Variants in AAGAB observed in about 807,000 individuals in gnomAD.
AAGAB encodes alpha and gamma adaptin binding protein.
AAGAB carries 38 observed loss-of-function variants against 44.1 expected under a neutral mutation model. The observed-to-expected ratio is 0.86, with a 90% CI of 0.67 to 1.13. AAGAB has a LOEUF of 1.13. Ranked by LOEUF, AAGAB falls within the 50% of genes most tolerant of loss-of-function variation. The pLI is 0.00. For missense variants in AAGAB, 450 were observed against 373.8 expected (o/e 1.20, Z -1.68); for synonymous variants, 131 against 131.8 (o/e 0.99, Z 0.04).
chr15:67,209,972 C>G (rs181377715), intron 5 of AAGAB, among the ~76,000 whole-genome samples: 34 of 152,250 alleles, frequency 2.2e-4, no homozygotes, highest in Non-Finnish European at 4.1e-4. Flanking sequence ...GCCCTGAATA[C>G]ATTTTTTTTA....
At position 67,218,059 on chromosome 15, in the gene AAGAB, G is replaced by A. The variant is rs114428679; in HGVS notation, c.536-8515C>T. On this transcript the variant is annotated intron_variant, in intron 5 of 9. Transcript: ENST00000261880. ...CTAATCCTCCTCCATCTGCATTACT[G>A]GGGATTGAACTATAATAGATAGATT... Among the ~76,000 whole-genome samples the A allele has an allele frequency of 5.4e-3, 829 of 152,280 alleles. 13 individuals are homozygous for A. Among genetic ancestry groups the A allele is most frequent in the African/African-American group, 0.019 (799 of 41,540 alleles).
intron 5 of AAGAB, among the ~76,000 whole-genome samples, chr15:67,210,290 G>C (rs1490860136): frequency 6.6e-6 from 1 of 152,166 alleles, no homozygotes; most frequent in Non-Finnish European, 1.5e-5. Flanking sequence ...GCCGAGGCCG[G>C]CGGATCACAA....
rs372570873 is a variant in AAGAB, at chr15:67,209,459, T to C, written c.618+3A>G. On this transcript the variant is annotated splice_donor_region_variant and intron_variant, in intron 6 of 9. Coordinates refer to ENST00000261880, the MANE Select transcript of AAGAB (RefSeq NM_024666.5). The stretch of plus-strand genomic sequence containing the variant: ...GGAAAAAAGATCCAAGAAAAACCTT[T>C]ACCTCTGGGTGACAGGGATCTGCTG... 1 of 1,612,988 alleles carries C rather than the reference T, an allele frequency of 6.2e-7. No homozygotes were observed. The highest frequency in any genetic ancestry group is 8.5e-7 in the Non-Finnish European group (1 of 1,179,170).
chr15:67,207,051 G>C (rs563367029), intron 7 of AAGAB, among the ~76,000 whole-genome samples: 1 of 152,310 alleles, frequency 6.6e-6, no homozygotes, highest in African/African-American at 2.4e-5. Context: ...TTAGCTGGGC[G>C]TGGTGGCACA....
Position 67,254,576 on chromosome 15 carries a change from C to T in AAGAB, c.56G>A (p.Gly19Glu). The part of the protein sequence containing the change: ...LVTSCSSVFS[G>E]DQLVQHILGT... ...CTACTCACGTTGGACCAGCTGGTCT[C>T]CTGAGAAGACGGAGGAGCAGCTGGT... Residue 19 changes from glycine to glutamate, a missense_variant, in exon 1 of 10, where the codon GGA (glycine) becomes GAA (glutamate). Gly to Glu is a moderately conservative substitution (Grantham distance 98, BLOSUM62 -2). Transcript: ENST00000261880. 1 of 1,609,858 alleles carries T rather than the reference C, an allele frequency of 6.2e-7. No individual in the cohort carries two copies. The highest frequency in any genetic ancestry group is 8.5e-7 in the Non-Finnish European group (1 of 1,178,968).
chr15:67,204,057 TA>T lies in AAGAB; in HGVS notation c.806del (p.Leu269Ter). 1 of 1,601,778 alleles carries T rather than the reference TA, an allele frequency of 6.2e-7. No homozygotes were observed. The highest frequency in any genetic ancestry group is 8.6e-7 in the Non-Finnish European group (1 of 1,169,048). ...GGATCTGATTACCTTTCATTTCCTT[TA>T]ACTTTGAAAAGAGTCTTTCAAAATT... is the stretch of plus-strand genomic sequence containing the variant. ...VENFERLFSK[L>X]KEMKDKAATL... On this transcript the variant is annotated frameshift_variant, in exon 8 of 10. Transcript: ENST00000261880. LOFTEE classifies it high-confidence loss of function.
intron 9 of AAGAB, among the ~76,000 whole-genome samples, chr15:67,203,323 G>C (rs1478006268): frequency 6.6e-6 from 1 of 152,170 alleles, no homozygotes; most frequent in Non-Finnish European, 1.5e-5. Context: ...CAAACATCCT[G>C]AGTCTCAATA....
At chr15:67,255,087 A>G (rs192018150), upstream of AAGAB, 25 of 801,790 alleles carry the variant, frequency 3.1e-5, no homozygotes, top group African/African-American at 4.1e-4. Context: ...GCTCCCAAAA[A>G]TGCCCACCCA....
intron 1 of AAGAB, among the ~76,000 whole-genome samples, chr15:67,237,108 T>C (rs1364985955): frequency 6.6e-6 from 1 of 152,050 alleles, no homozygotes; most frequent in Non-Finnish European, 1.5e-5. Context: ...TAACCAAATA[T>C]CCAGAAAAGA....
rs963472813 is a variant in AAGAB, at chr15:67,234,249, T to A, written c.451+1730A>T. Among the ~76,000 whole-genome samples, 7 of 151,778 alleles carry A rather than the reference T, an allele frequency of 4.6e-5. No homozygotes were observed. In the East Asian group the frequency reaches 1.4e-3, roughly 29 times the overall value. ...GCCTGGGCAACAGAGAGAGACTCTG[T>A]CTCAAATAAATAAATAAATAAATAA... is the stretch of plus-strand genomic sequence containing the variant. On this transcript the variant is annotated intron_variant, in intron 4 of 9. Coordinates refer to ENST00000261880, the MANE Select transcript of AAGAB (RefSeq NM_024666.5).
intron 1 of AAGAB, chr15:67,254,344 A>G (rs1184692228): frequency 7.6e-7 from 1 of 1,321,842 alleles, no homozygotes; most frequent in Admixed American, 3.0e-5. Context: ...TTTACACAGG[A>G]AGCCGAAAGG....
At chr15:67,255,121 A>G (rs1965093041), upstream of AAGAB, 1 of 649,382 alleles carries the variant, frequency 1.5e-6, no homozygotes, top group Non-Finnish European at 2.8e-6. Flanking sequence ...GGCCCAGCAC[A>G]CTCCCGGTGA....
At chr15:67,219,796 A>T (rs1016853881) in intron 5 of AAGAB, among the ~76,000 whole-genome samples, 1 of 152,200 alleles carries the variant, frequency 6.6e-6, no homozygotes, top group Admixed American at 6.5e-5. Flanking sequence ...GAAACAAGAC[A>T]CTGGTGGAGC....
chr15:67,231,459 C>A (rs1164813718), intron 5 of AAGAB, among the ~76,000 whole-genome samples: 1 of 152,208 alleles, frequency 6.6e-6, no homozygotes, highest in Non-Finnish European at 1.5e-5. Context: ...GTACTCATCA[C>A]AGATTGCCTT....
chr15:67,255,091 C>G, upstream of AAGAB: 1 of 762,590 alleles, frequency 1.3e-6, no homozygotes, highest in Non-Finnish European at 2.3e-6. Flanking sequence ...CCAAAAATGC[C>G]CACCCAGACC....
In AAGAB at chr15:67,226,913, A is replaced by T. The variant is rs184812791; in HGVS notation, c.535+4901T>A. 2,302 of 296,930 alleles carry T rather than the reference A, an allele frequency of 7.8e-3. 22 individuals carry two copies. The highest frequency in any genetic ancestry group is 9.5e-3 in the Non-Finnish European group (1,359 of 142,944). 18.4% of individuals were successfully genotyped at this position (296,930 alleles called of 1,614,324 possible). A position where few individuals can be genotyped will look rare whatever the true frequency, so the allele number is the denominator to read the frequency against. The stretch of plus-strand genomic sequence containing the variant: ...CGTTTTTAATTACCTAGATTTTCAG[A>T]TTAAATATTTGACCTTTGAATATCA... On this transcript the variant is annotated intron_variant, in intron 5 of 9. Coordinates refer to ENST00000261880, the MANE Select transcript of AAGAB (RefSeq NM_024666.5).
At chr15:67,243,386 G>C (rs548778475) in intron 1 of AAGAB, among the ~76,000 whole-genome samples, 1 of 152,200 alleles carries the variant, frequency 6.6e-6, no homozygotes, top group South Asian at 2.1e-4. Context: ...TATTTTAGAG[G>C]GGTAGGGCAC....
intron 5 of AAGAB, among the ~76,000 whole-genome samples, chr15:67,219,344 A>G (rs962132609): frequency 1.3e-5 from 2 of 152,202 alleles, no homozygotes; most frequent in Non-Finnish European, 2.9e-5. Flanking sequence ...ACCCCTTTGG[A>G]GCAATAATGT....
chr15:67,236,375 T>C (rs759361906), intron 3 of AAGAB, 33 bp downstream of exon 3: 3 of 1,579,502 alleles, frequency 1.9e-6, no homozygotes, highest in South Asian at 2.2e-5. Context: ...GGCAAATGCA[T>C]GTACCAACTA....
Sources: gnomAD v4.1 joint callset for allele counts (sites outside exome capture counted in the v4.1 genomes callset) on GRCh38, gnomAD v4.1.1 for gene constraint, MANE v1.5 for transcripts, NCBI Gene and HGNC (gene_info 2026-07-23, HGNC 2026-07-21) for gene names.